The following L3MBTL4 variants were observed in gnomAD, a reference collection of about 807,000 sequenced individuals.
L3MBTL4 encodes L3MBTL histone methyl-lysine binding protein 4.
Under a neutral mutation model 84.5 loss-of-function variants are expected in L3MBTL4, and 70 were observed. That is an observed-to-expected ratio of 0.83 (90% CI 0.68 to 1.01). L3MBTL4 has a LOEUF of 1.01. L3MBTL4 is among the 50% of genes least tolerant of loss of function. The pLI, the probability that L3MBTL4 is intolerant of heterozygous loss-of-function variation, is 0.00. For missense variants in L3MBTL4, 715 were observed against 754.8 expected (o/e 0.95, Z 0.62); for synonymous variants, 274 against 259.8 (o/e 1.05, Z -0.52).
At chr18:6,278,817 A>T (rs2049198426) in intron 4 of L3MBTL4, among the ~76,000 whole-genome samples, 1 of 152,078 alleles carries the variant, frequency 6.6e-6, no homozygotes. Flanking sequence ...CAGGTGTTCA[A>T]ATTAATTTCT....
In L3MBTL4 at chr18:6,032,184, G is replaced by A. The variant is rs183674250; in HGVS notation, c.1444+48697C>T. Reference sequence around the variant, plus strand: ...GGTAGAGACGGGGTTTCACTGCGTTGGCCAGGATGGTCTTGATCTCCTGAT... The same window carrying A: ...GGTAGAGACGGGGTTTCACTGCGTTAGCCAGGATGGTCTTGATCTCCTGAT... On this transcript the variant is annotated intron_variant, in intron 16 of 18. Transcript: ENST00000317931. 143 of 355,116 alleles carry A rather than the reference G, an allele frequency of 4.0e-4. 6 individuals carry two copies. The East Asian group carries it at 0.018, about 46-fold the overall frequency. The allele number at this position is 355,116 out of a possible 1,614,324, so 22.0% of individuals were successfully genotyped here. A position where few individuals can be genotyped will look rare whatever the true frequency, so the allele number is the denominator to read the frequency against.
chr18:6,154,661 C>CT (rs2043029078), intron 13 of L3MBTL4, among the ~76,000 whole-genome samples: 1 of 152,124 alleles, frequency 6.6e-6, no homozygotes, highest in African/African-American at 2.4e-5. Flanking sequence ...TGCTCAACAA[C>CT]GCCAACTGTA....
chr18:6,378,301 G>T (rs1430889470), intron 1 of L3MBTL4, among the ~76,000 whole-genome samples: 2 of 152,186 alleles, frequency 1.3e-5, no homozygotes, highest in African/African-American at 4.8e-5. Flanking sequence ...TTATTTTGCT[G>T]TGCAGAAGCT....
intron 13 of L3MBTL4, among the ~76,000 whole-genome samples, chr18:6,142,723 C>T (rs2060233413): frequency 6.6e-6 from 1 of 151,972 alleles, no homozygotes. Flanking sequence ...GAATTTGAAA[C>T]CTGCCTGGGT....
intron 16 of L3MBTL4, among the ~76,000 whole-genome samples, chr18:6,018,825 G>A (rs543919715): frequency 6.1e-4 from 93 of 152,336 alleles, no homozygotes; most frequent in Non-Finnish European, 1.1e-3. Context: ...ATTAGCACAG[G>A]AAGAGACAGC....
chr18:6,391,184 A>G (rs2055035495), intron 1 of L3MBTL4, among the ~76,000 whole-genome samples: 1 of 152,314 alleles, frequency 6.6e-6, no homozygotes, highest in East Asian at 1.9e-4. Flanking sequence ...TTTAACATAC[A>G]TAAGTCAAGA....
chr18:6,408,417 GCAGA>G (rs1231211950), intron 1 of L3MBTL4, among the ~76,000 whole-genome samples: 4 of 152,338 alleles, frequency 2.6e-5, no homozygotes, highest in Middle Eastern at 3.4e-3. Context: ...CATCTGGTCA[GCAGA>G]CAGATTCTGT....
At chr18:6,290,969 T>G (rs1407947702) in intron 4 of L3MBTL4, among the ~76,000 whole-genome samples, 1 of 152,074 alleles carries the variant, frequency 6.6e-6, no homozygotes, top group Non-Finnish European at 1.5e-5. Context: ...CTAAATAAAT[T>G]TTAAGGAACA....
At chr18:6,129,607 T>C (rs73380095) in intron 14 of L3MBTL4, among the ~76,000 whole-genome samples, 7,970 of 152,286 alleles carry the variant, frequency 0.052, 702 homozygotes, top group African/African-American at 0.18. Context: ...CTCATTATAC[T>C]AAGTCTAGAT....
At chr18:6,374,909 T>C (rs915598245) in intron 1 of L3MBTL4, among the ~76,000 whole-genome samples, 21 of 152,202 alleles carry the variant, frequency 1.4e-4, no homozygotes, top group Non-Finnish European at 2.9e-4. Flanking sequence ...AGCAAAGCTT[T>C]CAATTAATTC....
chr18:6,308,414 C>T (rs2050687913), intron 3 of L3MBTL4, among the ~76,000 whole-genome samples: 1 of 152,054 alleles, frequency 6.6e-6, no homozygotes, highest in Non-Finnish European at 1.5e-5. Flanking sequence ...TCCTTTGGTA[C>T]AATAATTTCA....
intron 14 of L3MBTL4, among the ~76,000 whole-genome samples, chr18:6,121,763 T>C (rs1043064147): frequency 6.6e-6 from 1 of 151,478 alleles, no homozygotes; most frequent in Non-Finnish European, 1.5e-5. Flanking sequence ...GAATCAAAAG[T>C]TCATGGTTTG....
rs144844993 is a variant in L3MBTL4, at chr18:6,310,522, C to A, written c.72+1032G>T. On this transcript the variant is annotated intron_variant, in intron 3 of 18. Coordinates refer to ENST00000317931, the MANE Select transcript of L3MBTL4 (RefSeq NM_001330559.2). ...AATGTCTGGAGTTCATCAAACCACA[C>A]CTAACCTGGAACTGAACCAAAAGAA... is the stretch of plus-strand genomic sequence containing the variant. Among the ~76,000 whole-genome samples, 563 of 152,290 alleles carry A rather than the reference C, an allele frequency of 3.7e-3. 5 individuals carry two copies. The highest frequency in any genetic ancestry group is 0.013 in the African/African-American group (528 of 41,542).
intron 14 of L3MBTL4, among the ~76,000 whole-genome samples, chr18:6,132,954 GGT>G (rs1456505342): frequency 6.6e-6 from 1 of 152,168 alleles, no homozygotes; most frequent in Non-Finnish European, 1.5e-5. Context: ...GTCCAAGAAT[GGT>G]CGGTGTTATT....
At chr18:6,159,048 G>C (rs1198023972) in intron 13 of L3MBTL4, among the ~76,000 whole-genome samples, 1 of 152,092 alleles carries the variant, frequency 6.6e-6, no homozygotes, top group Non-Finnish European at 1.5e-5. Flanking sequence ...GATCAGGAAT[G>C]ATGTGAAGTC....
intron 12 of L3MBTL4, among the ~76,000 whole-genome samples, chr18:6,208,672 G>T (rs1036469909): frequency 6.6e-6 from 1 of 152,162 alleles, no homozygotes; most frequent in African/African-American, 2.4e-5. Flanking sequence ...GTAATTTAAT[G>T]TGCATTTTCT....
chr18:6,087,182 G>A (rs1195219469), intron 15 of L3MBTL4, among the ~76,000 whole-genome samples: 2 of 151,996 alleles, frequency 1.3e-5, no homozygotes, highest in Non-Finnish European at 1.5e-5. Flanking sequence ...GTCTAATTTC[G>A]GGACCTGGCT....
chr18:6,096,099 C>T (rs1423156096), intron 14 of L3MBTL4, among the ~76,000 whole-genome samples: 1 of 151,860 alleles, frequency 6.6e-6, no homozygotes, highest in African/African-American at 2.4e-5. Context: ...CGTGTCACTA[C>T]CCCTATGTGG....
chr18:6,024,101 T>A (rs2055392394), intron 16 of L3MBTL4, among the ~76,000 whole-genome samples: 2 of 152,280 alleles, frequency 1.3e-5, no homozygotes, highest in Non-Finnish European at 1.5e-5. Context: ...GGTCTTGAAC[T>A]CCTGACCTCA....
Sources: gnomAD v4.1 joint callset for allele counts (sites outside exome capture counted in the v4.1 genomes callset) on GRCh38, gnomAD v4.1.1 for gene constraint, MANE v1.5 for transcripts, NCBI Gene and HGNC (gene_info 2026-07-23, HGNC 2026-07-21) for gene names.